Variants in CPED1 observed in about 807,000 individuals in gnomAD.
CPED1 encodes the protein cadherin like and PC-esterase domain containing 1.
A neutral mutation model predicts 128.2 loss-of-function variants in CPED1; 114 were observed. The ratio of observed to expected loss-of-function variants is 0.89; its 90% CI spans 0.76 to 1.04. The LOEUF (loss-of-function observed/expected upper bound fraction) is 1.04, where lower values mean the gene tolerates loss of function less well. Ranked by LOEUF, CPED1 falls within the 50% of genes least tolerant of loss-of-function variation. The pLI, the probability that CPED1 is intolerant of heterozygous loss-of-function variation, is 0.00. For synonymous variants in CPED1, 462 were observed against 426.7 expected, an observed-to-expected ratio of 1.08 and a Z score of -1.02; for missense variants, 1,211 against 1,207.1, an observed-to-expected ratio of 1.00 and a Z score of -0.05.
intron 2 of CPED1, among the ~76,000 whole-genome samples, chr7:120,996,177 G>T (rs888747403): frequency 6.6e-6 from 1 of 152,022 alleles, no homozygotes; most frequent in Admixed American, 6.6e-5. Flanking sequence ...CCAGCTACTC[G>T]AGAGGCCAAG....
At chr7:121,112,994 C>T (rs970967316) in intron 7 of CPED1, among the ~76,000 whole-genome samples, 5 of 151,972 alleles carry the variant, frequency 3.3e-5, no homozygotes, top group Admixed American at 2.0e-4. Context: ...GATGACTTCT[C>T]GACTAAAAGA....
At chr7:121,035,172 C>G (rs1478998653) in intron 3 of CPED1, among the ~76,000 whole-genome samples, 2 of 152,102 alleles carry the variant, frequency 1.3e-5, no homozygotes, top group African/African-American at 4.8e-5. Context: ...GGAAAGGAGA[C>G]TAGAAGACTG....
chr7:121,289,443 T>G (rs1349873920), intron 22 of CPED1, among the ~76,000 whole-genome samples: 1 of 152,214 alleles, frequency 6.6e-6, no homozygotes, highest in Non-Finnish European at 1.5e-5. Context: ...AAAAGGTCAC[T>G]ATTGTTAATA....
intron 16 of CPED1, among the ~76,000 whole-genome samples, chr7:121,173,642 T>G (rs1480832602): frequency 6.6e-6 from 1 of 152,152 alleles, no homozygotes; most frequent in Non-Finnish European, 1.5e-5. Flanking sequence ...CTGATTGGCA[T>G]TTAAGTGGAC....
At chr7:121,083,134 C>T (rs992127464) in intron 5 of CPED1, among the ~76,000 whole-genome samples, 2 of 152,100 alleles carry the variant, frequency 1.3e-5, no homozygotes, top group Non-Finnish European at 2.9e-5. Context: ...TGAGGGTCCT[C>T]CTTACCCTTT....
At position 121,267,281 on chromosome 7, in the gene CPED1, T is replaced by A; in HGVS notation, c.2700T>A (p.Asp900Glu). 1 of 1,590,984 alleles carries A rather than the reference T, an allele frequency of 6.3e-7. No individual in the cohort carries two copies. The highest frequency in any genetic ancestry group is 1.1e-5 in the South Asian group (1 of 89,134). ...GAATTGGATTTCATCTGCCAGTGGA[T>A]GGAGTACATTTCTTAACACAGGTAA... ...TLGIGFHLPV[D>E]GVHFLTQSEV... Residue 900 changes from aspartate to glutamate, a missense_variant, in exon 21 of 23, where the codon GAT becomes GAA. Transcript: ENST00000310396.
chr7:121,241,151 G>T (rs1217355400), intron 17 of CPED1, among the ~76,000 whole-genome samples: 1 of 58,334 alleles, frequency 1.7e-5, no homozygotes, highest in Non-Finnish European at 4.0e-5. Flanking sequence ...AGACCATCCC[G>T]GCTAAAACGG....
intron 16 of CPED1, among the ~76,000 whole-genome samples, chr7:121,164,141 A>G (rs941609959): frequency 3.3e-5 from 5 of 152,222 alleles, no homozygotes; most frequent in Admixed American, 2.6e-4. Context: ...CCTTGTGATC[A>G]CTTCCTTTTC....
In CPED1 at chr7:121,141,999, GA is replaced by G; in HGVS notation, c.1915del (p.Met639Ter). 3.1e-6 allele frequency: 5 copies of G among 1,612,366 alleles called. No individual in the cohort carries two copies. Among genetic ancestry groups the G allele is most frequent in the Non-Finnish European group, 4.2e-6 (5 of 1,178,906 alleles). ...PSFASYPLGL[G>X]MNKISIFVVD... ...TTTGCCAGCTACCCTCTGGGCTTAG[GA>G]ATGAACAAAATCTCAATATTTGTTG... On this transcript the variant is annotated frameshift_variant, in exon 16 of 23. Transcript: ENST00000310396. LOFTEE classifies it high-confidence loss of function.
chr7:121,194,309 C>T (rs549452029), intron 16 of CPED1, among the ~76,000 whole-genome samples: 1 of 151,928 alleles, frequency 6.6e-6, no homozygotes, highest in Admixed American at 6.6e-5. Context: ...CCTTGGCCTC[C>T]CAAAGTGCTG....
chr7:121,054,578 T>C (rs1388696253), intron 4 of CPED1, among the ~76,000 whole-genome samples: 2 of 152,172 alleles, frequency 1.3e-5, no homozygotes, highest in Non-Finnish European at 2.9e-5. Context: ...TGTGGCTATG[T>C]CATTCAGTAA....
intron 2 of CPED1, among the ~76,000 whole-genome samples, chr7:120,997,942 TAA>T (rs1796437710): frequency 7.9e-6 from 1 of 126,158 alleles, no homozygotes; most frequent in African/African-American, 3.6e-5. Context: ...TAAAATAAAA[TAA>T]AATAAAATAA....
chr7:121,203,993 G>T (rs1273689219), intron 16 of CPED1, among the ~76,000 whole-genome samples: 1 of 152,074 alleles, frequency 6.6e-6, no homozygotes, highest in Non-Finnish European at 1.5e-5. Context: ...CTCAGTGAGG[G>T]TTCCCAACCC....
At chr7:121,025,294 T>A (rs910562615) in intron 3 of CPED1, among the ~76,000 whole-genome samples, 1 of 152,088 alleles carries the variant, frequency 6.6e-6, no homozygotes, top group Non-Finnish European at 1.5e-5. Flanking sequence ...CTATAATGAC[T>A]TTCACCCCCA....
At chr7:120,995,196 G>C (rs41693) in intron 2 of CPED1, among the ~76,000 whole-genome samples, 33,497 of 151,694 alleles carry the variant, frequency 0.22, 3,951 homozygotes, top group African/African-American at 0.27. Flanking sequence ...TACCTCTCCC[G>C]ATTCCTTATC....
At chr7:121,202,231 C>G (rs1186175921) in intron 16 of CPED1, among the ~76,000 whole-genome samples, 1 of 152,120 alleles carries the variant, frequency 6.6e-6, no homozygotes, top group African/African-American at 2.4e-5. Context: ...GATCAAAGAA[C>G]TCTGCTGGTT....
intron 16 of CPED1, among the ~76,000 whole-genome samples, chr7:121,203,212 A>G (rs1464069694): frequency 6.6e-6 from 1 of 152,030 alleles, no homozygotes; most frequent in Non-Finnish European, 1.5e-5. Context: ...AAATCCTTCT[A>G]TACCTTCACA....
At chr7:121,059,359 C>T (rs1793589003) in intron 4 of CPED1, among the ~76,000 whole-genome samples, 1 of 152,158 alleles carries the variant, frequency 6.6e-6, no homozygotes, top group African/African-American at 2.4e-5. Context: ...TTTTGATCAG[C>T]TGGTTCTCCT....
chr7:121,256,131 A>AC (rs1443585720), intron 18 of CPED1, among the ~76,000 whole-genome samples: 3 of 147,244 alleles, frequency 2.0e-5, no homozygotes, highest in Non-Finnish European at 3.0e-5. Flanking sequence ...AAACAAAACA[A>AC]AAAAAAAAAA....
Sources: allele counts gnomAD v4.1 joint callset (sites outside exome capture counted in the v4.1 genomes callset), GRCh38; gene constraint gnomAD v4.1.1; transcripts MANE v1.5; gene names NCBI Gene and HGNC (gene_info 2026-07-23, HGNC 2026-07-21).